EPHA7: variants seen among roughly 807,000 people sequenced by gnomAD.
The protein encoded by EPHA7 is ephrin type-A receptor 7.
Under a neutral mutation model 112.6 loss-of-function variants are expected in EPHA7, and 25 were observed. The observed-to-expected ratio is 0.22, with a 90% CI of 0.16 to 0.31. EPHA7 has a LOEUF of 0.31. Among genes scored for constraint, EPHA7 ranks in the 10% least tolerant of loss-of-function variants. The probability of loss-of-function intolerance (pLI) is 1.00; values close to 1 mark genes in which losing one functional copy is unlikely to be tolerated. For synonymous variants in EPHA7, 437 were observed against 406.5 expected (o/e 1.07, Z -0.90); for missense variants, 962 against 1,212.6 (o/e 0.79, Z 3.07).
chr6:93,344,906 C>T (rs966078743), intron 5 of EPHA7, among the ~76,000 whole-genome samples: 1 of 151,500 alleles, frequency 6.6e-6, no homozygotes. Flanking sequence ...TTAAATTATA[C>T]CTCCACTCCT....
At chr6:93,287,120 C>CCTT (rs1445170169) in intron 5 of EPHA7, among the ~76,000 whole-genome samples, 1 of 152,140 alleles carries the variant, frequency 6.6e-6, no homozygotes, top group African/African-American at 2.4e-5. Flanking sequence ...CTACAAATTA[C>CCTT]CTTCACTCTT....
chr6:93,343,082 A>G (rs1195596351), intron 5 of EPHA7, among the ~76,000 whole-genome samples: 2 of 151,772 alleles, frequency 1.3e-5, no homozygotes, highest in African/African-American at 2.4e-5. Flanking sequence ...GATCTACAAC[A>G]GTTACTACAA....
At chr6:93,292,974 ATTCTT>A (rs1772459266) in intron 5 of EPHA7, among the ~76,000 whole-genome samples, 1 of 152,166 alleles carries the variant, frequency 6.6e-6, no homozygotes, top group African/African-American at 2.4e-5. Context: ...GAAAGATGTT[ATTCTT>A]TTAAGTTAGA....
At chr6:93,317,748 T>C (rs1033973686) in intron 5 of EPHA7, among the ~76,000 whole-genome samples, 5 of 152,118 alleles carry the variant, frequency 3.3e-5, no homozygotes, top group African/African-American at 9.7e-5. Flanking sequence ...TCAGCTGTTA[T>C]AAAGGCAGAA....
chr6:93,328,301 TTC>T (rs1774421452), intron 5 of EPHA7, among the ~76,000 whole-genome samples: 1 of 151,614 alleles, frequency 6.6e-6, no homozygotes, highest in East Asian at 1.9e-4. Context: ...TTTAGTATAT[TTC>T]TGTCTGTTCT....
intron 5 of EPHA7, among the ~76,000 whole-genome samples, chr6:93,334,396 G>T (rs971725357): frequency 6.6e-6 from 1 of 151,858 alleles, no homozygotes; most frequent in African/African-American, 2.4e-5. Context: ...TTGACAAATG[G>T]GAGGTAATTA....
rs142379131 is a variant in EPHA7 at position 93,364,105 on chromosome 6, G to A, written c.833-5694C>T. Among the ~76,000 whole-genome samples the A allele has an allele frequency of 2.6e-3, 396 of 152,244 alleles. 4 individuals carry two copies. Among genetic ancestry groups the A allele is most frequent in the African/African-American group, 9.1e-3 (380 of 41,542 alleles). On this transcript the variant is annotated intron_variant, in intron 3 of 16. Transcript: ENST00000369303. ...GGCTTATATTTGGGGTAATTACAAT[G>A]TTCTAAAAATGATTTGCGGTGACAG...
At chr6:93,341,536 A>C (rs1775137604) in intron 5 of EPHA7, among the ~76,000 whole-genome samples, 1 of 151,896 alleles carries the variant, frequency 6.6e-6, no homozygotes, top group African/African-American at 2.4e-5. Context: ...GAATAAAGAA[A>C]GTTATAGAAA....
At chr6:93,254,895 T>A in intron 13 of EPHA7, 99 bp from the exon 14 acceptor site, 1 of 901,074 alleles carries the variant, frequency 1.1e-6, no homozygotes, top group East Asian at 2.7e-5. Context: ...GGTTGGTAGT[T>A]CAGCAGCATC....
At chr6:93,286,041 C>G (rs1772044948) in intron 5 of EPHA7, among the ~76,000 whole-genome samples, 1 of 152,122 alleles carries the variant, frequency 6.6e-6, no homozygotes, top group African/African-American at 2.4e-5. Context: ...TATTTATTAC[C>G]TGGCCCTTTT....
At chr6:93,287,250 C>T (rs1165173322) in intron 5 of EPHA7, among the ~76,000 whole-genome samples, 1 of 152,150 alleles carries the variant, frequency 6.6e-6, no homozygotes, top group African/African-American at 2.4e-5. Context: ...TGGGGAATCT[C>T]TTTTCTTCAC....
At chr6:93,330,210 A>AT (rs1774524054) in intron 5 of EPHA7, among the ~76,000 whole-genome samples, 1 of 151,392 alleles carries the variant, frequency 6.6e-6, no homozygotes, top group Admixed American at 6.6e-5. Flanking sequence ...ATATTTTGAT[A>AT]TAAGTATAGA....
In EPHA7 at chr6:93,413,277, G is replaced by A. The variant is rs1779064372; in HGVS notation, c.162+1426C>T. Among the ~76,000 whole-genome samples the A allele has an allele frequency of 2.0e-5, 3 of 151,862 alleles. No homozygotes were observed. The South Asian group carries it at 6.2e-4, about 31-fold the overall frequency. On this transcript the variant is annotated intron_variant, in intron 2 of 16. Coordinates refer to ENST00000369303, the MANE Select transcript of EPHA7 (RefSeq NM_004440.4). The stretch of plus-strand genomic sequence containing the variant: ...CTAATATTATGTGTTGATGTTTACA[G>A]ACATGTAGGGTTAACTGTTAAGATA...
Position 93,282,746 on chromosome 6 carries a change from C to T in EPHA7, c.1325-10324G>A, listed in dbSNP as rs574148603. Reference sequence around the variant, plus strand: ...TCGGCGGGCCCCTCACTCAGAGCCGCGGGACCTGCCAGCCCCGAGCAGTGA... The same window carrying T: ...TCGGCGGGCCCCTCACTCAGAGCCGTGGGACCTGCCAGCCCCGAGCAGTGA... On this transcript the variant is annotated intron_variant, in intron 5 of 16. Transcript: ENST00000369303. Among the ~76,000 whole-genome samples, 9 of 152,268 alleles carry T rather than the reference C, an allele frequency of 5.9e-5. No individual in the cohort carries two copies. The South Asian group carries it at 8.3e-4, about 14-fold the overall frequency.
At chr6:93,288,295 G>A (rs1169402323) in intron 5 of EPHA7, among the ~76,000 whole-genome samples, 1 of 152,154 alleles carries the variant, frequency 6.6e-6, no homozygotes, top group African/African-American at 2.4e-5. Context: ...AAAAAATTAG[G>A]CTAGGTGAAA....
intron 5 of EPHA7, among the ~76,000 whole-genome samples, chr6:93,306,553 T>A (rs1773267822): frequency 6.6e-6 from 1 of 151,996 alleles, no homozygotes; most frequent in South Asian, 2.1e-4. Flanking sequence ...CTAGGTCATA[T>A]TTCATGTAAA....
intron 5 of EPHA7, among the ~76,000 whole-genome samples, chr6:93,290,400 A>G (rs976994793): frequency 1.3e-5 from 2 of 152,142 alleles, no homozygotes; most frequent in Non-Finnish European, 2.9e-5. Flanking sequence ...AATTCTATAT[A>G]TAATAATTGT....
intron 5 of EPHA7, among the ~76,000 whole-genome samples, chr6:93,279,766 G>A (rs969463973): frequency 2.0e-5 from 3 of 152,094 alleles, no homozygotes; most frequent in Admixed American, 6.6e-5. Flanking sequence ...TAGCTCAGCT[G>A]ACGTTTTTTT....
At chr6:93,320,330 A>G (rs867243684) in intron 5 of EPHA7, among the ~76,000 whole-genome samples, 4 of 152,098 alleles carry the variant, frequency 2.6e-5, no homozygotes, top group Non-Finnish European at 4.4e-5. Context: ...ATTTTAATAT[A>G]TAAGTACATT....
Sources: gnomAD v4.1 joint callset for allele counts (sites outside exome capture counted in the v4.1 genomes callset) on GRCh38, gnomAD v4.1.1 for gene constraint, MANE v1.5 for transcripts, NCBI Gene and HGNC (gene_info 2026-07-23, HGNC 2026-07-21) for gene names.